Variants in MAGED1 observed in about 807,000 individuals in gnomAD.
The protein encoded by MAGED1 is melanoma-associated antigen D1.
In MAGED1, 3 loss-of-function variants were observed where a neutral mutation model predicts 54.1. The observed-to-expected ratio is 0.06, with a 90% CI of 0.03 to 0.14. The LOEUF (loss-of-function observed/expected upper bound fraction) is 0.14, where lower values mean the gene tolerates loss of function less well. Ranked by LOEUF, MAGED1 falls within the 10% of genes least tolerant of loss-of-function variation. The probability of loss-of-function intolerance (pLI) is 1.00; values close to 1 mark genes in which losing one functional copy is unlikely to be tolerated. For synonymous variants in MAGED1, 217 were observed against 227.3 expected, an observed-to-expected ratio of 0.95 and a Z score of 0.41; for missense variants, 485 against 623.4, an observed-to-expected ratio of 0.78 and a Z score of 2.36.
Position 51,902,292 on chromosome X carries a change from T to A in MAGED1, c.*155T>A, listed in dbSNP as rs925459259. On this transcript the variant is annotated 3_prime_UTR_variant, in exon 13 of 13. Coordinates refer to ENST00000326587, the MANE Select transcript of MAGED1 (RefSeq NM_006986.4). The stretch of plus-strand genomic sequence containing the variant: ...ATTTGCTGTTCCTTGTCTACTGCTT[T>A]TTTTCCCCTTGTGTGCTGTCAAGTT... 1 of 150,206 alleles carries A rather than the reference T, an allele frequency of 6.7e-6. No homozygotes were observed. The highest frequency in any genetic ancestry group is 3.1e-5 in the African/African-American group (1 of 32,311). The allele number at this position is 150,206 out of a possible 1,213,427, so 12.4% of individuals were successfully genotyped here.
intron 1 of MAGED1, among the ~76,000 whole-genome samples, chrX:51,864,342 A>G (rs1403968259): frequency 1.8e-5 from 2 of 111,522 alleles, no homozygotes; most frequent in African/African-American, 3.3e-5. Context: ...AGTTGACTGT[A>G]TATGCATGGA....
chrX:51,889,241 A>T (rs893681616), upstream of MAGED1, among the ~76,000 whole-genome samples: 5 of 111,897 alleles, frequency 4.5e-5, no homozygotes, highest in Non-Finnish European at 9.4e-5. Context: ...TGTATCTGTA[A>T]TTATTTCAAA....
intron 1 of MAGED1, among the ~76,000 whole-genome samples, chrX:51,832,806 G>A (rs1926115941): frequency 9.0e-6 from 1 of 111,162 alleles, no homozygotes; most frequent in Non-Finnish European, 1.9e-5. Flanking sequence ...GAGTCAAATG[G>A]GATATCAAGG....
chrX:51,859,213 G>A (rs782293496), intron 1 of MAGED1, among the ~76,000 whole-genome samples: 12 of 109,896 alleles, frequency 1.1e-4, no homozygotes, highest in South Asian at 7.9e-4. Context: ...CTAGTATGGC[G>A]CCTGGCATGT....
intron 1 of MAGED1, 91 bp from the exon 2 acceptor site, chrX:51,894,178 C>T: frequency 2.0e-6 from 1 of 512,176 alleles, no homozygotes; most frequent in Non-Finnish European, 3.4e-6. Flanking sequence ...TCACCTTATC[C>T]GCCCGCACAG....
intron 1 of MAGED1, among the ~76,000 whole-genome samples, chrX:51,841,500 A>G (rs1367610293): frequency 4.5e-5 from 5 of 111,144 alleles, no homozygotes; most frequent in African/African-American, 9.8e-5. Flanking sequence ...TTAGACATGA[A>G]GTCCTTGCCC....
intron 1 of MAGED1, among the ~76,000 whole-genome samples, chrX:51,871,357 T>C (rs782785942): frequency 9.1e-6 from 1 of 109,733 alleles, no homozygotes; most frequent in African/African-American, 3.3e-5. Context: ...TGTGCCATGT[T>C]GGTGTGCTGC....
intron 1 of MAGED1, among the ~76,000 whole-genome samples, chrX:51,836,466 C>G (rs1926252869): frequency 9.0e-6 from 1 of 111,049 alleles, no homozygotes; most frequent in Non-Finnish European, 1.9e-5. Flanking sequence ...GTAACAGGTG[C>G]TGTTCCTGTC....
intron 1 of MAGED1, among the ~76,000 whole-genome samples, chrX:51,837,121 T>G (rs183913773): frequency 2.1e-4 from 23 of 111,777 alleles, no homozygotes; most frequent in Non-Finnish European, 3.6e-4. Context: ...TCACCTTGTT[T>G]CTTTACCATT....
chrX:51,877,452 A>G (rs1602256163), intron 1 of MAGED1, among the ~76,000 whole-genome samples: 1 of 111,302 alleles, frequency 9.0e-6, no homozygotes, highest in South Asian at 3.8e-4. Context: ...CTAGAAAGCA[A>G]TTTGGTATTA....
At position 51,894,715 on chromosome X, in the gene MAGED1, A is replaced by AC. The variant is rs781963496; in HGVS notation, c.46-332dup. 3.4e-5 allele frequency: 37 copies of AC among 1,081,096 alleles called. No homozygotes were observed. The East Asian group carries it at 9.7e-4, about 28-fold the overall frequency. 89.1% of individuals were successfully genotyped at this position (1,081,096 alleles called of 1,213,427 possible). On this transcript the variant is annotated intron_variant, in intron 2 of 12. Coordinates refer to ENST00000326587, the MANE Select transcript of MAGED1 (RefSeq NM_006986.4). Reference sequence around the variant, plus strand: ...CTTTCTGCATTCCCCACTCTGTGCGACCCCCCTTATTCTCAACTCCGCGAT... The same window carrying AC: ...CTTTCTGCATTCCCCACTCTGTGCGACCCCCCCTTATTCTCAACTCCGCGAT...
chrX:51,893,924 C>T (rs1242803039), intron 1 of MAGED1, among the ~76,000 whole-genome samples, 169 bp downstream of exon 1: 1 of 108,106 alleles, frequency 9.3e-6, no homozygotes, highest in Non-Finnish European at 1.9e-5. Context: ...TCCCTCCCAT[C>T]GTTCGAAATC....
chrX:51,862,933 G>T (rs1282670004), intron 1 of MAGED1, among the ~76,000 whole-genome samples: 1 of 111,824 alleles, frequency 8.9e-6, no homozygotes, highest in Non-Finnish European at 1.9e-5. Flanking sequence ...CTACAGTCAA[G>T]CTAATTAACA....
At position 51,897,013 on chromosome X, in the gene MAGED1, A is replaced by G; in HGVS notation, c.1358A>G (p.Asn453Ser). The G allele has an allele frequency of 3.3e-6, 4 of 1,210,200 alleles. No individual in the cohort carries two copies. Among genetic ancestry groups the G allele is most frequent in the Non-Finnish European group, 4.5e-6 (4 of 895,066 alleles). Residue 453 changes from asparagine to serine, a missense_variant, in exon 4 of 13, where the codon AAC (asparagine) becomes AGC (serine). Coordinates refer to ENST00000326587, the MANE Select transcript of MAGED1 (RefSeq NM_006986.4). ...RPSPNLRPSP[N>S]SRASQNPGAA... ...TCGCCTAACCTGCGCCCTTCTCCCA[A>G]CTCGCGTGCCTCACAGAACCCAGGT...
At chrX:51,811,420 T>C (rs1392065292) in intron 1 of MAGED1, among the ~76,000 whole-genome samples, 5 of 112,045 alleles carry the variant, frequency 4.5e-5, no homozygotes, top group Non-Finnish European at 3.8e-5. Flanking sequence ...ACTGCATGAA[T>C]AGTATGTTAA....
chrX:51,815,524 A>AT (rs1175202317), intron 1 of MAGED1, among the ~76,000 whole-genome samples: 1,278 of 103,063 alleles, frequency 0.012, 17 homozygotes, highest in Middle Eastern at 0.059. Flanking sequence ...TAGCTGTATA[A>AT]TTTTTTTTTT....
chrX:51,877,766 T>A (rs1927924886), intron 1 of MAGED1, among the ~76,000 whole-genome samples: 1 of 112,106 alleles, frequency 8.9e-6, no homozygotes, highest in South Asian at 3.7e-4. Context: ...GAATCTCAGA[T>A]GTAGTATATT....
chrX:51,895,039 C>T lies in MAGED1; in HGVS notation c.46-14C>T, dbSNP rs1557364015. ...AGGCCCAGAGATTTAATTTTTTCCC[C>T]CCTGTGTTTGCAGGCTGAGGCCTCC... On this transcript the variant is annotated splice_polypyrimidine_tract_variant and intron_variant, in intron 2 of 12. Transcript: ENST00000326587. 3.4e-6 allele frequency: 4 copies of T among 1,176,826 alleles called. No homozygotes were observed. Among genetic ancestry groups the T allele is most frequent in the South Asian group, 3.8e-5 (2 of 53,187 alleles).
intron 1 of MAGED1, among the ~76,000 whole-genome samples, chrX:51,830,386 C>G (rs1557357309): frequency 9.1e-6 from 1 of 110,425 alleles, no homozygotes; most frequent in African/African-American, 3.3e-5. Context: ...TCATCTTTAT[C>G]TAGAATGTTT....
Sources: gnomAD v4.1 joint callset for allele counts (sites outside exome capture counted in the v4.1 genomes callset) on GRCh38, gnomAD v4.1.1 for gene constraint, MANE v1.5 for transcripts, NCBI Gene and HGNC (gene_info 2026-07-23, HGNC 2026-07-21) for gene names.